Variants in SPINDOC observed in about 807,000 individuals in gnomAD.
The protein encoded by SPINDOC is spindlin interactor and repressor of chromatin-binding protein.
A neutral mutation model predicts 30.7 loss-of-function variants in SPINDOC; 13 were observed. That is an observed-to-expected ratio of 0.42 (90% CI 0.28 to 0.67). The LOEUF is 0.67. Among genes scored for constraint, SPINDOC ranks in the 30% least tolerant of loss-of-function variants. The probability of loss-of-function intolerance (pLI) is 0.22; values close to 1 mark genes in which losing one functional copy is unlikely to be tolerated. For synonymous variants in SPINDOC, 228 were observed against 211.4 expected (o/e 1.08, Z -0.68); for missense variants, 438 against 518.0 (o/e 0.85, Z 1.50).
At chr11:63,822,923 G>T in intron 5 of SPINDOC, 1 of 1,260,344 alleles carries the variant, frequency 7.9e-7, no homozygotes, top group Non-Finnish European at 1.0e-6. Context: ...AGAGGAAGGG[G>T]CTTCAGCAGG....
Position 63,827,319 on chromosome 11 carries a change from G to A in SPINDOC, c.*180G>A. The A allele has an allele frequency of 8.3e-7, 1 of 1,204,772 alleles. No homozygotes were observed. The allele number at this position is 1,204,772 out of a possible 1,614,324, so 74.6% of individuals were successfully genotyped here. On this transcript the variant is annotated 3_prime_UTR_variant, in exon 6 of 6. Transcript: ENST00000294244. Reference sequence around the variant, plus strand: ...ACTGGAAAGTGTCTGTTCCTGGCCAGGCCTGAGGTCGGCGAGGGTGGCTGA... The same window carrying A: ...ACTGGAAAGTGTCTGTTCCTGGCCAAGCCTGAGGTCGGCGAGGGTGGCTGA...
At chr11:63,823,136 T>C (rs1277181385) in intron 5 of SPINDOC, 1 of 1,288,734 alleles carries the variant, frequency 7.8e-7, no homozygotes. Context: ...TGTGTCCAGG[T>C]ATATAGGCTG....
chr11:63,822,979 C>A, intron 5 of SPINDOC: 1 of 1,072,702 alleles, frequency 9.3e-7, no homozygotes, highest in Non-Finnish European at 1.3e-6. Flanking sequence ...AGGGTGTTGT[C>A]AGCAGTGGCA....
intron 5 of SPINDOC, among the ~76,000 whole-genome samples, chr11:63,821,419 C>T (rs2015517937): frequency 6.6e-6 from 1 of 152,154 alleles, no homozygotes. Context: ...AACCTTCATT[C>T]CCCTTTGCCA....
chr11:63,822,526 G>A (rs1248275298), intron 5 of SPINDOC: 8 of 979,212 alleles, frequency 8.2e-6, no homozygotes, highest in Non-Finnish European at 1.4e-6. Context: ...GTTTGCGTGT[G>A]TGTGTAGTTG....
intron 5 of SPINDOC, chr11:63,822,594 A>G (rs2015556631): frequency 1.6e-6 from 2 of 1,288,898 alleles, no homozygotes; most frequent in Non-Finnish European, 2.0e-6. Flanking sequence ...GGCAGGCCTC[A>G]CCCCTTCACG....
At chr11:63,822,904 C>T (rs1186285504) in intron 5 of SPINDOC, 1 of 1,283,506 alleles carries the variant, frequency 7.8e-7, no homozygotes, top group African/African-American at 1.5e-5. Context: ...GGTGAGTGGG[C>T]AAAGTCTGAG....
chr11:63,821,598 G>A (rs937721885), intron 5 of SPINDOC, among the ~76,000 whole-genome samples: 15 of 152,280 alleles, frequency 9.9e-5, no homozygotes, highest in Admixed American at 8.5e-4. Context: ...GTTTACAGGC[G>A]CTCAGGAAAT....
chr11:63,823,836 G>C (rs181151324), intron 5 of SPINDOC, among the ~76,000 whole-genome samples: 1 of 151,892 alleles, frequency 6.6e-6, no homozygotes, highest in African/African-American at 2.4e-5. Context: ...CTGACCTCGT[G>C]ATCTGCCCGC....
intron 1 of SPINDOC, among the ~76,000 whole-genome samples, chr11:63,815,824 A>G (rs112458441): frequency 1.3e-4 from 19 of 151,850 alleles, no homozygotes; most frequent in South Asian, 4.2e-4. Flanking sequence ...CTGTAGTGCA[A>G]TGGCACAATC....
intron 5 of SPINDOC, 111 bp downstream of exon 5, chr11:63,819,113 GGGTGGGGT>G: frequency 2.9e-6 from 1 of 347,710 alleles, no homozygotes; most frequent in Non-Finnish European, 5.7e-6. Context: ...TGGGTGGGGT[GGGTGGGGT>G]GGGTGGTGCT....
chr11:63,827,229 GA>G lies in SPINDOC; in HGVS notation c.*91del. ...AGCTGCCTGGCTCACCCACCTGGTG[GA>G]GAGAGTAGAAACAGGTGCCAGGGCA... On this transcript the variant is annotated 3_prime_UTR_variant, in exon 6 of 6. Transcript: ENST00000294244. 1 of 1,538,780 alleles carries G rather than the reference GA, an allele frequency of 6.5e-7. No individual in the cohort carries two copies.
Position 63,818,675 on chromosome 11 carries a change from G to C in SPINDOC, c.733+23G>C, listed in dbSNP as rs771657880. ...CAGGTGAAGGGGAGGCCCGGGGGAG[G>C]CGTGGGCTCTGGCCGCAGTGCTCTG... On this transcript the variant is annotated intron_variant, in intron 4 of 5. Coordinates refer to ENST00000294244, the MANE Select transcript of SPINDOC (RefSeq NM_138471.3). The surrounding 1 kb of genome is among the most constrained non-coding windows in gnomAD (Gnocchi z 5.3). 1 of 1,613,092 alleles carries C rather than the reference G, an allele frequency of 6.2e-7. No individual in the cohort carries two copies. Among genetic ancestry groups the C allele is most frequent in the Admixed American group, 1.7e-5 (1 of 59,872 alleles).
In SPINDOC at chr11:63,826,953, A is replaced by G. The variant is rs2135164940; in HGVS notation, c.960A>G (p.Thr320=). Residue 320 remains threonine, a synonymous_variant, in exon 6 of 6, where the codon ACA becomes ACG. Transcript: ENST00000294244. ...SPAPPPGLRG[T]LDLQVIRVRM... is the part of the protein sequence containing the mutation. ...CTCCCCCTCCGGGGCTCCGCGGGAC[A>G]CTGGATCTCCAGGTTATCCGCGTGC... 6.3e-7 allele frequency: 1 copy of G among 1,591,286 alleles called. No homozygotes were observed. The highest frequency in any genetic ancestry group is 1.1e-5 in the South Asian group (1 of 90,550).
chr11:63,818,881 C>G lies in SPINDOC; in HGVS notation c.813C>G (p.Pro271=). 1 of 1,614,146 alleles carries G rather than the reference C, an allele frequency of 6.2e-7. No homozygotes were observed. Among genetic ancestry groups the G allele is most frequent in the East Asian group, 2.2e-5 (1 of 44,874 alleles). ...EVRHFTDGSF[P]AGFVLQLFSH... Reference sequence around the variant, plus strand: ...GACACTTCACTGACGGCAGCTTCCCCGCCGGCTTCGTCTTGCAGCTCTTCT... The same window carrying G: ...GACACTTCACTGACGGCAGCTTCCCGGCCGGCTTCGTCTTGCAGCTCTTCT... The change falls in exon 5 of 6, where the codon CCC becomes CCG. Residue 271 remains proline (P), a synonymous_variant. Coordinates refer to ENST00000294244, the MANE Select transcript of SPINDOC (RefSeq NM_138471.3). The surrounding 1 kb of genome is among the most constrained non-coding windows in gnomAD (Gnocchi z 5.3).
At chr11:63,821,361 G>A (rs2015516585) in intron 5 of SPINDOC, among the ~76,000 whole-genome samples, 1 of 152,176 alleles carries the variant, frequency 6.6e-6, no homozygotes, top group Non-Finnish European at 1.5e-5. Flanking sequence ...CTCAGTCCAG[G>A]ATAATCTCTT....
chr11:63,818,591 G>A lies in SPINDOC; in HGVS notation c.672G>A (p.Gly224=), dbSNP rs1216193074. ...GTCAGAGATGGAAGGAACCCCCAGGGGAAGAGCCAGTCAGAAAGAAAAGAG... is the reference window on the plus strand; with the variant it reads ...GTCAGAGATGGAAGGAACCCCCAGGAGAAGAGCCAGTCAGAAAGAAAAGAG... ...PRGQRWKEPP[G]EEPVRKKRGR... Residue 224 remains glycine (G), a synonymous_variant, in exon 4 of 6, where the codon GGG becomes GGA. Coordinates refer to ENST00000294244, the MANE Select transcript of SPINDOC (RefSeq NM_138471.3). The surrounding 1 kb of genome is among the most constrained non-coding windows in gnomAD (Gnocchi z 5.3). The A allele has an allele frequency of 1.2e-6, 2 of 1,613,742 alleles. No individual in the cohort carries two copies. Among genetic ancestry groups the A allele is most frequent in the South Asian group, 1.1e-5 (1 of 91,076 alleles).
At chr11:63,815,659 C>G (rs1328355896) in intron 1 of SPINDOC, among the ~76,000 whole-genome samples, 1 of 152,088 alleles carries the variant, frequency 6.6e-6, no homozygotes, top group Non-Finnish European at 1.5e-5. Flanking sequence ...AGGTTGGAGA[C>G]CGAGTCAGTC....
Position 63,827,120 on chromosome 11 carries a change from A to T in SPINDOC, c.1127A>T (p.Glu376Val), listed in dbSNP as rs775174568. The stretch of plus-strand genomic sequence containing the variant: ...AGCACCACTGTGGCAGGGAAGCCGG[A>T]AAAAGGGAATGGAGTGTAAATTCTT... ...ESSTTVAGKP[E>V]KGNGV The change falls in exon 6 of 6, where the codon GAA (glutamate) becomes GTA (valine). Residue 376 changes from glutamate to valine, a missense_variant. Coordinates refer to ENST00000294244, the MANE Select transcript of SPINDOC (RefSeq NM_138471.3). The T allele has an allele frequency of 1.2e-6, 2 of 1,613,932 alleles. No individual in the cohort carries two copies. Among genetic ancestry groups the T allele is most frequent in the East Asian group, 4.5e-5 (2 of 44,856 alleles).
Sources: gnomAD v4.1 joint callset for allele counts (sites outside exome capture counted in the v4.1 genomes callset) on GRCh38, gnomAD v4.1.1 for gene constraint, Gnocchi (gnomAD v3.1) non-coding constraint, MANE v1.5 for transcripts, NCBI Gene and HGNC (gene_info 2026-07-23, HGNC 2026-07-21) for gene names.